ITPRID1: variants seen among roughly 807,000 people sequenced by gnomAD.
ITPRID1 encodes protein ITPRID1.
In ITPRID1, 96 loss-of-function variants were observed where a neutral mutation model predicts 95.4. That is an observed-to-expected ratio of 1.01 (90% CI 0.85 to 1.19). The LOEUF is 1.19. ITPRID1 is among the 50% of genes most tolerant of loss of function. The pLI, the probability that ITPRID1 is intolerant of heterozygous loss-of-function variation, is 0.00. For synonymous variants in ITPRID1, 510 were observed against 453.6 expected, an observed-to-expected ratio of 1.12 and a Z score of -1.58; for missense variants, 1,339 against 1,252.9, an observed-to-expected ratio of 1.07 and a Z score of -1.04.
At chr7:31,658,178 G>C (rs761825063), downstream of ITPRID1, 1 of 1,140,986 alleles carries the variant, frequency 8.8e-7, no homozygotes, top group Non-Finnish European at 1.2e-6. Context: ...ATGTAGATTT[G>C]TGTAAGGATA....
At chr7:31,554,451 T>C (rs1243676372) in intron 3 of ITPRID1, 24 bp from the exon 4 acceptor site, 1 of 1,609,556 alleles carries the variant, frequency 6.2e-7, no homozygotes, top group African/African-American at 1.3e-5. Context: ...TTTGACTAAC[T>C]GATCTGTTCT....
chr7:31,526,299 T>C (rs918273130), intron 1 of ITPRID1, among the ~76,000 whole-genome samples: 1 of 152,248 alleles, frequency 6.6e-6, no homozygotes, highest in African/African-American at 2.4e-5. Context: ...TTTCAACTTA[T>C]GATGGGTTTA....
intron 10 of ITPRID1, among the ~76,000 whole-genome samples, chr7:31,621,152 G>C (rs1188732180): frequency 6.6e-6 from 1 of 150,790 alleles, no homozygotes; most frequent in Non-Finnish European, 1.5e-5. Context: ...GAAAGTGATG[G>C]GGAGAATGGA....
chr7:31,614,916 C>T (rs1308936937), intron 10 of ITPRID1, among the ~76,000 whole-genome samples: 4 of 152,210 alleles, frequency 2.6e-5, no homozygotes, highest in East Asian at 1.9e-4. Flanking sequence ...TGGAGTATGG[C>T]GGGAATGAAC....
chr7:31,540,882 T>G (rs576141999), intron 1 of ITPRID1, among the ~76,000 whole-genome samples: 1 of 152,226 alleles, frequency 6.6e-6, no homozygotes, highest in South Asian at 2.1e-4. Context: ...ATAAGGCCGG[T>G]TTTCCAAGGG....
At chr7:31,651,034 CT>C (rs1790897330) in intron 12 of ITPRID1, 107 bp from the exon 13 acceptor site, 17 of 1,252,782 alleles carry the variant, frequency 1.4e-5, no homozygotes, top group Non-Finnish European at 1.9e-5. Flanking sequence ...GCAGTAGGGC[CT>C]GTTTGCGAAA....
chr7:31,544,556 T>A (rs886149484), intron 1 of ITPRID1, among the ~76,000 whole-genome samples: 9 of 152,216 alleles, frequency 5.9e-5, no homozygotes, highest in African/African-American at 2.2e-4. Flanking sequence ...AAGCTTTTTT[T>A]ATACCCCCCT....
chr7:31,599,573 T>A (rs960976212), intron 10 of ITPRID1, among the ~76,000 whole-genome samples: 1 of 151,076 alleles, frequency 6.6e-6, no homozygotes, highest in Non-Finnish European at 1.5e-5. Flanking sequence ...AGAATATGTA[T>A]TTGTTGTGTT....
At chr7:31,626,436 AT>A (rs1283839773) in intron 10 of ITPRID1, among the ~76,000 whole-genome samples, 2 of 152,174 alleles carry the variant, frequency 1.3e-5, no homozygotes, top group African/African-American at 2.4e-5. Context: ...ATCTGGTACT[AT>A]TTAGATAGAA....
Position 31,549,438 on chromosome 7 carries a change from TA to T in ITPRID1, c.-83del. ...CTTTACTTGACAGTTCCTGACAGGATAAGGACAAGAAGCAACACACAGAAGA... is the reference window on the plus strand; with the variant it reads ...CTTTACTTGACAGTTCCTGACAGGATAGGACAAGAAGCAACACACAGAAGA... On this transcript the variant is annotated 5_prime_UTR_variant, in exon 2 of 15. Transcript: ENST00000615280. The T allele has an allele frequency of 6.7e-7, 1 of 1,492,356 alleles. No individual in the cohort carries two copies. The highest frequency in any genetic ancestry group is 8.9e-7 in the Non-Finnish European group (1 of 1,129,186). The allele number at this position is 1,492,356 out of a possible 1,614,324, so 92.4% of individuals were successfully genotyped here.
intron 10 of ITPRID1, among the ~76,000 whole-genome samples, chr7:31,612,010 G>T (rs1786890608): frequency 6.6e-6 from 1 of 151,772 alleles, no homozygotes; most frequent in African/African-American, 2.4e-5. Context: ...GTGTTTCACA[G>T]GTCTCTGAGG....
chr7:31,592,281 C>A (rs975281736), intron 10 of ITPRID1, among the ~76,000 whole-genome samples: 1 of 152,148 alleles, frequency 6.6e-6, no homozygotes, highest in African/African-American at 2.4e-5. Flanking sequence ...CTAGCAACTG[C>A]CAACTATGTA....
intron 10 of ITPRID1, among the ~76,000 whole-genome samples, chr7:31,597,372 G>C (rs1186372782): frequency 6.6e-6 from 1 of 151,830 alleles, no homozygotes; most frequent in African/African-American, 2.4e-5. Context: ...CAAAACTTGA[G>C]AAGTGACAGG....
intron 1 of ITPRID1, among the ~76,000 whole-genome samples, chr7:31,525,972 T>C (rs1330276278): frequency 7.2e-5 from 11 of 151,954 alleles, no homozygotes; most frequent in Non-Finnish European, 1.5e-4. Flanking sequence ...TTAAAAAAAA[T>C]ACTTAGCTTG....
chr7:31,550,192 TG>T lies in ITPRID1; in HGVS notation c.-24+694del, dbSNP rs1424524396. On this transcript the variant is annotated intron_variant, in intron 2 of 14. Transcript: ENST00000615280. ...TGAGTTCTTAGTGCATATACAGTTT[TG>T]CATCCTCTTTTTTTTTTTTTTTGGT... Among the ~76,000 whole-genome samples the T allele has an allele frequency of 2.3e-4, 30 of 132,482 alleles. 1 individual carries two copies. In the Admixed American group the frequency reaches 2.4e-3, roughly 11 times the overall value. 86.9% of individuals were successfully genotyped at this position (132,482 alleles called of 152,430 possible).
chr7:31,562,509 A>G lies in ITPRID1; in HGVS notation c.257-7249A>G, dbSNP rs183228601. Among the ~76,000 whole-genome samples the G allele has an allele frequency of 1.7e-4, 26 of 152,340 alleles. No homozygotes were observed. The East Asian group carries it at 4.4e-3, about 26-fold the overall frequency. ...TTCAGAATAGGAACTTATAAAATAA[A>G]AAATATAAATTTTCTGGTCTATTTT... On this transcript the variant is annotated intron_variant, in intron 5 of 14. Coordinates refer to ENST00000615280, the MANE Select transcript of ITPRID1 (RefSeq NM_001257967.3).
chr7:31,652,457 T>TA, intron 14 of ITPRID1, 61 bp from the exon 15 acceptor site: 1 of 1,508,980 alleles, frequency 6.6e-7, no homozygotes, highest in South Asian at 1.3e-5. Context: ...CAAGTTTGAG[T>TA]AAGCTGTTTG....
At chr7:31,524,785 A>AT (rs1783372601) in intron 1 of ITPRID1, among the ~76,000 whole-genome samples, 1 of 152,188 alleles carries the variant, frequency 6.6e-6, no homozygotes, top group Non-Finnish European at 1.5e-5. Context: ...TTTACGTAGT[A>AT]TTGTAACTAT....
intron 1 of ITPRID1, among the ~76,000 whole-genome samples, chr7:31,519,771 A>C (rs1783184185): frequency 6.6e-6 from 1 of 151,160 alleles, no homozygotes; most frequent in Non-Finnish European, 1.5e-5. Context: ...CCAACCACAA[A>C]ATAAATACAT....
Sources: allele counts gnomAD v4.1 joint callset (sites outside exome capture counted in the v4.1 genomes callset), GRCh38; gene constraint gnomAD v4.1.1; transcripts MANE v1.5; gene names NCBI Gene and HGNC (gene_info 2026-07-23, HGNC 2026-07-21).